Variants in CNTN3 observed in about 807,000 individuals in gnomAD.
The protein encoded by CNTN3 is contactin 3, also known as contactin-3.
Under a neutral mutation model 119.1 loss-of-function variants are expected in CNTN3, and 60 were observed. The observed-to-expected ratio is 0.50, with a 90% CI of 0.41 to 0.62. CNTN3 has a LOEUF of 0.62. Among genes scored for constraint, CNTN3 ranks in the 20% least tolerant of loss-of-function variants. The pLI, the probability that CNTN3 is intolerant of heterozygous loss-of-function variation, is 0.00. For synonymous variants in CNTN3, 450 were observed against 438.7 expected (o/e 1.03, Z -0.32); for missense variants, 1,101 against 1,242.4 (o/e 0.89, Z 1.71).
chr3:74,322,490 C>T (rs770773792), intron 13 of CNTN3, among the ~76,000 whole-genome samples: 2 of 152,146 alleles, frequency 1.3e-5, no homozygotes, highest in Non-Finnish European at 2.9e-5. Context: ...ACACTGACAA[C>T]ATAAAATTCT....
chr3:74,584,553 CAAG>C (rs1174244410), intron 1 of CNTN3, among the ~76,000 whole-genome samples: 2 of 152,096 alleles, frequency 1.3e-5, no homozygotes, highest in Non-Finnish European at 2.9e-5. Context: ...GTCCTCACCA[CAAG>C]CAGATGCCAG....
At chr3:74,382,305 A>G in intron 5 of CNTN3, among the ~76,000 whole-genome samples, 1 of 152,230 alleles carries the variant, frequency 6.6e-6, no homozygotes, top group Middle Eastern at 3.2e-3. Context: ...TATGTATACA[A>G]TGCAAAATGC....
At chr3:74,588,962 G>A (rs1209826477) in intron 1 of CNTN3, among the ~76,000 whole-genome samples, 1 of 151,880 alleles carries the variant, frequency 6.6e-6, no homozygotes, top group Non-Finnish European at 1.5e-5. Flanking sequence ...AATTCAAGAT[G>A]GATTAAAGAC....
chr3:74,437,318 C>T (rs374628273), intron 4 of CNTN3, among the ~76,000 whole-genome samples: 64 of 151,922 alleles, frequency 4.2e-4, no homozygotes, highest in African/African-American at 6.3e-4. Flanking sequence ...AAAAATTAGC[C>T]GGGTGTGGTG....
At chr3:74,503,967 T>C (rs1281915064) in intron 2 of CNTN3, among the ~76,000 whole-genome samples, 1 of 152,154 alleles carries the variant, frequency 6.6e-6, no homozygotes, top group Non-Finnish European at 1.5e-5. Flanking sequence ...ACAAGCTTTA[T>C]GAGCTCCTAA....
intron 5 of CNTN3, among the ~76,000 whole-genome samples, chr3:74,415,799 C>A (rs191691789): frequency 1.3e-5 from 2 of 152,194 alleles, no homozygotes; most frequent in Non-Finnish European, 2.9e-5. Flanking sequence ...GCTCCTGAGG[C>A]ATCAGCTTTC....
At chr3:74,409,469 AT>A (rs58019273) in intron 5 of CNTN3, among the ~76,000 whole-genome samples, 104,336 of 151,766 alleles carry the variant, frequency 0.69, 36,194 homozygotes, top group East Asian at 0.79. Context: ...TCCATGAATC[AT>A]TTCTTTGCTC....
chr3:74,414,204 A>T (rs1004220735), intron 5 of CNTN3, among the ~76,000 whole-genome samples: 2 of 152,168 alleles, frequency 1.3e-5, no homozygotes, highest in African/African-American at 4.8e-5. Context: ...AAGTTTTTTT[A>T]AAATTATCCT....
At chr3:74,338,819 C>G (rs1703461538) in intron 11 of CNTN3, among the ~76,000 whole-genome samples, 1 of 152,042 alleles carries the variant, frequency 6.6e-6, no homozygotes, top group African/African-American at 2.4e-5. Flanking sequence ...AACCATGGCA[C>G]TGCATGCCAA....
chr3:74,381,104 A>G (rs987502116), intron 5 of CNTN3, among the ~76,000 whole-genome samples: 7 of 150,962 alleles, frequency 4.6e-5, no homozygotes, highest in African/African-American at 1.7e-4. Flanking sequence ...ACACACACGC[A>G]CACATAAACA....
intron 2 of CNTN3, among the ~76,000 whole-genome samples, chr3:74,505,487 A>G (rs960905119): frequency 2.0e-5 from 3 of 147,310 alleles, no homozygotes; most frequent in Non-Finnish European, 4.5e-5. Flanking sequence ...ATATATATTT[A>G]TATATGTGCA....
At chr3:74,273,542 TGG>T (rs377064014) in intron 20 of CNTN3, among the ~76,000 whole-genome samples, 135 of 152,236 alleles carry the variant, frequency 8.9e-4, no homozygotes, top group Middle Eastern at 6.8e-3. Context: ...ATACCCCCAC[TGG>T]GGAAACTGAA....
intron 3 of CNTN3, among the ~76,000 whole-genome samples, chr3:74,498,632 A>T (rs1703106548): frequency 6.6e-6 from 1 of 151,806 alleles, no homozygotes; most frequent in Non-Finnish European, 1.5e-5. Context: ...TTTACCAATG[A>T]CTATTGGCTT....
intron 4 of CNTN3, among the ~76,000 whole-genome samples, chr3:74,471,261 T>A (rs1173366477): frequency 1.3e-5 from 2 of 151,988 alleles, no homozygotes; most frequent in Non-Finnish European, 2.9e-5. Context: ...GGTTGATGGG[T>A]ACAGCAAACC....
At position 74,547,478 on chromosome 3, in the gene CNTN3, T is replaced by C. The variant is rs1400845162; in HGVS notation, c.-80-26286A>G. On this transcript the variant is annotated intron_variant, in intron 1 of 22. Coordinates refer to ENST00000263665, the MANE Select transcript of CNTN3 (RefSeq NM_020872.3). ...AAAGTTATAATAGAAAAAACATTAT[T>C]TTACTGAAAGGGTGAAACTATTCAT... Among the ~76,000 whole-genome samples the C allele has an allele frequency of 4.6e-5, 7 of 152,298 alleles. No homozygotes were observed. The East Asian group carries it at 1.3e-3, about 29-fold the overall frequency.
At chr3:74,424,371 C>T (rs916823453) in intron 5 of CNTN3, among the ~76,000 whole-genome samples, 3 of 147,180 alleles carry the variant, frequency 2.0e-5, no homozygotes, top group Admixed American at 7.1e-5. Flanking sequence ...GATATACACA[C>T]ATATCATTTC....
chr3:74,364,518 C>T lies in CNTN3; in HGVS notation c.1162G>A (p.Ala388Thr). 3.1e-6 allele frequency: 5 copies of T among 1,612,610 alleles called. No individual in the cohort carries two copies. Among genetic ancestry groups the T allele is most frequent in the Admixed American group, 1.7e-5 (1 of 59,918 alleles). The change falls in exon 10 of 23, where the codon GCA becomes ACA. Residue 388 changes from alanine to threonine, a missense_variant. By Grantham distance (58) the Ala-to-Thr change is moderately conservative. Transcript: ENST00000263665. ...VTDSGMFQCI[A>T]ENKHGLVYSS... Reference sequence around the variant, plus strand: ...TAAACAAGGCCATGTTTGTTTTCTGCTATGCATTGGAACATGCCAGAATCA... The same window carrying T: ...TAAACAAGGCCATGTTTGTTTTCTGTTATGCATTGGAACATGCCAGAATCA...
At chr3:74,343,016 T>C (rs1435371609) in intron 11 of CNTN3, among the ~76,000 whole-genome samples, 1 of 152,222 alleles carries the variant, frequency 6.6e-6, no homozygotes, top group Non-Finnish European at 1.5e-5. Context: ...TCAAAGGGGA[T>C]ATTATTAAGG....
intron 11 of CNTN3, among the ~76,000 whole-genome samples, chr3:74,343,786 C>G (rs1195803491): frequency 6.6e-6 from 1 of 152,186 alleles, no homozygotes; most frequent in Non-Finnish European, 1.5e-5. Flanking sequence ...ACTGCCGGGC[C>G]CACCATCAGA....
Sources: allele counts gnomAD v4.1 joint callset (sites outside exome capture counted in the v4.1 genomes callset), GRCh38; gene constraint gnomAD v4.1.1; transcripts MANE v1.5; gene names NCBI Gene and HGNC (gene_info 2026-07-23, HGNC 2026-07-21).